Variants in ZNF354B observed in about 807,000 individuals in gnomAD.
ZNF354B encodes zinc finger protein 354B.
ZNF354B carries 10 observed loss-of-function variants against 12.9 expected under a neutral mutation model. The ratio of observed to expected loss-of-function variants is 0.77; its 90% confidence interval spans 0.48 to 1.31. ZNF354B has a LOEUF of 1.31. ZNF354B is among the 40% of genes most tolerant of loss of function. The pLI is 0.00. For missense variants in ZNF354B, 614 were observed against 711.7 expected, an observed-to-expected ratio of 0.86 and a Z score of 1.56; for synonymous variants, 260 against 243.7, an observed-to-expected ratio of 1.07 and a Z score of -0.62.
At chr5:178,874,311 G>C (rs1333147642) in intron 4 of ZNF354B, among the ~76,000 whole-genome samples, 1 of 152,138 alleles carries the variant, frequency 6.6e-6, no homozygotes, top group East Asian at 1.9e-4. Flanking sequence ...AGTTTTCATG[G>C]ACAATAGTAT....
At chr5:178,866,475 T>C in intron 3 of ZNF354B, 105 bp downstream of exon 3, 1 of 1,490,122 alleles carries the variant, frequency 6.7e-7, no homozygotes, top group Admixed American at 2.2e-5. Flanking sequence ...GAGCTCAGTT[T>C]GAGGATTGTA....
chr5:178,868,346 C>T (rs1210998643), intron 4 of ZNF354B, among the ~76,000 whole-genome samples: 12 of 146,082 alleles, frequency 8.2e-5, no homozygotes, highest in Admixed American at 7.5e-4. Context: ...AGGAGAGAAA[C>T]GGGGAGGGGC....
intron 4 of ZNF354B, among the ~76,000 whole-genome samples, chr5:178,876,783 A>G (rs1318570100): frequency 2.0e-5 from 3 of 151,828 alleles, no homozygotes; most frequent in Non-Finnish European, 4.4e-5. Context: ...CATTATTTTC[A>G]TGAGTCATTC....
intron 1 of ZNF354B, chr5:178,860,764 A>G (rs1040973630): frequency 1.2e-5 from 5 of 421,410 alleles, no homozygotes; most frequent in African/African-American, 1.2e-4. Context: ...TGGTGGGCTC[A>G]GCGGGTCGCT....
In ZNF354B at chr5:178,883,068, A is replaced by G. The variant is rs766827616; in HGVS notation, c.616A>G (p.Lys206Glu). The change falls in exon 5 of 5, where the codon AAA (lysine) becomes GAA (glutamate). Residue 206 changes from lysine (K) to glutamate (E), a missense_variant. By Grantham distance (56) the Lys-to-Glu change is moderately conservative. Transcript: ENST00000322434. ...KQNSNLLNQSKIKTAEKRYKC... is the reference protein window; with the variant it reads ...KQNSNLLNQSEIKTAEKRYKC... ...GAATTCAAATTTACTTAACCAATCAAAAATCAAAACAGCAGAGAAACGCTA... is the reference window on the plus strand; with the variant it reads ...GAATTCAAATTTACTTAACCAATCAGAAATCAAAACAGCAGAGAAACGCTA... 3 of 1,604,830 alleles carry G rather than the reference A, an allele frequency of 1.9e-6. No individual in the cohort carries two copies. Among genetic ancestry groups the G allele is most frequent in the Middle Eastern group, 3.3e-4 (2 of 6,002 alleles).
intron 2 of ZNF354B, among the ~76,000 whole-genome samples, chr5:178,862,263 A>G (rs549297401): frequency 6.6e-6 from 1 of 151,376 alleles, no homozygotes; most frequent in African/African-American, 2.4e-5. Context: ...CCTGGCTCTG[A>G]GTTCCGTCGG....
chr5:178,878,370 G>A (rs924370078), intron 4 of ZNF354B, among the ~76,000 whole-genome samples: 3 of 149,302 alleles, frequency 2.0e-5, no homozygotes, highest in Non-Finnish European at 4.4e-5. Flanking sequence ...GCAACAGAGC[G>A]AGACTCCGTC....
At chr5:178,870,088 G>C (rs1254173083) in intron 4 of ZNF354B, among the ~76,000 whole-genome samples, 2 of 152,038 alleles carry the variant, frequency 1.3e-5, no homozygotes, top group African/African-American at 2.4e-5. Flanking sequence ...AAGGTGGGAG[G>C]ATCACTTGAG....
chr5:178,874,488 G>A (rs916734014), intron 4 of ZNF354B, among the ~76,000 whole-genome samples: 1 of 152,130 alleles, frequency 6.6e-6, no homozygotes. Flanking sequence ...AGTTCAGAGA[G>A]CCAGACTTTG....
intron 3 of ZNF354B, among the ~76,000 whole-genome samples, chr5:178,866,714 A>C (rs547166762): frequency 2.0e-5 from 3 of 152,080 alleles, no homozygotes; most frequent in Non-Finnish European, 2.9e-5. Flanking sequence ...TCATCGACCT[A>C]CCATTGCCTT....
chr5:178,865,269 ATTT>A (rs139832348), intron 2 of ZNF354B, among the ~76,000 whole-genome samples: 7 of 150,100 alleles, frequency 4.7e-5, no homozygotes, highest in African/African-American at 1.7e-4. Context: ...CTTTAGACGA[ATTT>A]TTTTTTTCTT....
chr5:178,860,414 C>T (rs1757328034), intron 1 of ZNF354B, among the ~76,000 whole-genome samples: 1 of 149,996 alleles, frequency 6.7e-6, no homozygotes, highest in African/African-American at 2.4e-5. Context: ...GGCGCCGGGA[C>T]CCCGAGCGCA....
At chr5:178,862,659 CGCCTGG>C (rs1252236303) in intron 2 of ZNF354B, among the ~76,000 whole-genome samples, 2 of 152,224 alleles carry the variant, frequency 1.3e-5, no homozygotes, top group Non-Finnish European at 2.9e-5. Context: ...TGAGCCGCCG[CGCCTGG>C]CGGCGTTATC....
At chr5:178,872,711 T>G (rs1757581914) in intron 4 of ZNF354B, among the ~76,000 whole-genome samples, 1 of 152,248 alleles carries the variant, frequency 6.6e-6, no homozygotes, top group African/African-American at 2.4e-5. Flanking sequence ...CATTGTGATT[T>G]TAATTTGTGT....
At chr5:178,876,637 G>A (rs1757642613) in intron 4 of ZNF354B, among the ~76,000 whole-genome samples, 1 of 152,104 alleles carries the variant, frequency 6.6e-6, no homozygotes, top group African/African-American at 2.4e-5. Context: ...CTTAAACTTT[G>A]TTGATTTTTC....
chr5:178,866,708 C>T (rs911069515), intron 3 of ZNF354B, among the ~76,000 whole-genome samples: 6 of 152,122 alleles, frequency 3.9e-5, no homozygotes, highest in African/African-American at 7.2e-5. Flanking sequence ...CCTTCTTCAT[C>T]GACCTACCAT....
At position 178,878,997 on chromosome 5, in the gene ZNF354B, G is replaced by A. The variant is rs568741580; in HGVS notation, c.257-3712G>A. 2.5e-4 allele frequency among the ~76,000 whole-genome samples: 37 copies of A among 150,874 alleles called. No homozygotes were observed. In the South Asian group the frequency reaches 7.8e-3, roughly 32 times the overall value. ...ATTACGGGTGTGAGCCACCACACCC[G>A]GCTGAAAGTATGTTTTTAAAGTATA... On this transcript the variant is annotated intron_variant, in intron 4 of 4. Transcript: ENST00000322434.
In ZNF354B at chr5:178,883,120, T is replaced by A; in HGVS notation, c.668T>A (p.Phe223Tyr). The A allele has an allele frequency of 1.9e-6, 3 of 1,611,322 alleles. No homozygotes were observed. Among genetic ancestry groups the A allele is most frequent in the Non-Finnish European group, 2.5e-6 (3 of 1,179,416 alleles). Reference sequence around the variant, plus strand: ...AAATGCAGTACATGTGAAAAAGCCTTCATTCACAATTCATCCCTTCGTAAA... The same window carrying A: ...AAATGCAGTACATGTGAAAAAGCCTACATTCACAATTCATCCCTTCGTAAA... ...RYKCSTCEKAFIHNSSLRKHQ... is the reference protein window; with the variant it reads ...RYKCSTCEKAYIHNSSLRKHQ... The change falls in exon 5 of 5, where the codon TTC (phenylalanine) becomes TAC (tyrosine). Residue 223 changes from phenylalanine (F) to tyrosine (Y), a missense_variant. Transcript: ENST00000322434.
At chr5:178,867,288 T>G (rs1272597657) in intron 4 of ZNF354B, among the ~76,000 whole-genome samples, 4 of 152,228 alleles carry the variant, frequency 2.6e-5, no homozygotes, top group African/African-American at 9.6e-5. Flanking sequence ...TCCTGTTGTT[T>G]TAGAATAGGG....
Sources: allele counts gnomAD v4.1 joint callset (sites outside exome capture counted in the v4.1 genomes callset), GRCh38; gene constraint gnomAD v4.1.1; transcripts MANE v1.5; gene names NCBI Gene and HGNC (gene_info 2026-07-23, HGNC 2026-07-21).